Variants in PLXDC2 observed in about 807,000 individuals in gnomAD.
PLXDC2 encodes the protein plexin domain containing 2.
A neutral mutation model predicts 68.9 loss-of-function variants in PLXDC2; 40 were observed. That is an observed-to-expected ratio of 0.58 (90% CI 0.45 to 0.76). PLXDC2 has a LOEUF of 0.76. Among genes scored for constraint, PLXDC2 ranks in the 30% least tolerant of loss-of-function variants. The pLI, the probability that PLXDC2 is intolerant of heterozygous loss-of-function variation, is 0.00. For missense variants in PLXDC2, 644 were observed against 661.9 expected, an observed-to-expected ratio of 0.97 and a Z score of 0.30; for synonymous variants, 243 against 234.2, an observed-to-expected ratio of 1.04 and a Z score of -0.34.
chr10:20,149,935 A>T (rs1225015756), intron 6 of PLXDC2, among the ~76,000 whole-genome samples: 1 of 152,104 alleles, frequency 6.6e-6, no homozygotes, highest in Non-Finnish European at 1.5e-5. Flanking sequence ...TAATTAATAG[A>T]GTTTACTTTT....
intron 9 of PLXDC2, among the ~76,000 whole-genome samples, chr10:20,188,764 G>A (rs920026860): frequency 1.5e-4 from 23 of 151,828 alleles, no homozygotes; most frequent in African/African-American, 5.3e-4. Context: ...TTGAATAAGT[G>A]TAGTGTATAT....
chr10:20,049,466 G>A (rs1374001099), intron 3 of PLXDC2, among the ~76,000 whole-genome samples: 1 of 152,014 alleles, frequency 6.6e-6, no homozygotes, highest in Non-Finnish European at 1.5e-5. Context: ...GAACCCCATA[G>A]TCTAGGCCCA....
intron 3 of PLXDC2, among the ~76,000 whole-genome samples, chr10:20,061,390 TG>T (rs1420285903): frequency 6.6e-6 from 1 of 152,204 alleles, no homozygotes; most frequent in Non-Finnish European, 1.5e-5. Flanking sequence ...TATGATTAAA[TG>T]TAGGTCTCTG....
chr10:19,889,389 A>G (rs1837908071), intron 1 of PLXDC2, among the ~76,000 whole-genome samples: 2 of 152,074 alleles, frequency 1.3e-5, no homozygotes, highest in Admixed American at 1.3e-4. Flanking sequence ...TGGAATGCAA[A>G]TCATTAAATG....
chr10:20,133,781 G>A (rs1833899657), intron 4 of PLXDC2, among the ~76,000 whole-genome samples: 2 of 152,214 alleles, frequency 1.3e-5, no homozygotes, highest in African/African-American at 2.4e-5. Context: ...TATTGTTTAT[G>A]CATAATAAGC....
intron 1 of PLXDC2, among the ~76,000 whole-genome samples, chr10:19,829,500 G>A (rs781531313): frequency 6.6e-6 from 1 of 152,094 alleles, no homozygotes; most frequent in Non-Finnish European, 1.5e-5. Context: ...CTGGGTTAAA[G>A]TATCAACGAC....
intron 1 of PLXDC2, among the ~76,000 whole-genome samples, chr10:19,964,130 G>T (rs1282737889): frequency 1.3e-5 from 2 of 152,178 alleles, no homozygotes; most frequent in Non-Finnish European, 1.5e-5. Flanking sequence ...CCCCTGATTT[G>T]TAGCCTCTGC....
At chr10:20,232,468 A>G (rs72795920) in intron 12 of PLXDC2, among the ~76,000 whole-genome samples, 1 of 152,330 alleles carries the variant, frequency 6.6e-6, no homozygotes, top group Non-Finnish European at 1.5e-5. Context: ...GTCAATAACT[A>G]GAAATAGTCC....
intron 2 of PLXDC2, among the ~76,000 whole-genome samples, chr10:20,006,716 G>A (rs1431682678): frequency 6.6e-6 from 1 of 152,176 alleles, no homozygotes; most frequent in African/African-American, 2.4e-5. Context: ...AACAGATAAT[G>A]GAAGGATTGT....
intron 7 of PLXDC2, among the ~76,000 whole-genome samples, chr10:20,176,412 GTGTC>G: frequency 6.6e-6 from 1 of 152,026 alleles, no homozygotes; most frequent in East Asian, 1.9e-4. Context: ...GTGTGTGTGT[GTGTC>G]TGTCGTGAGA....
At chr10:19,898,295 A>C (rs60503842) in intron 1 of PLXDC2, among the ~76,000 whole-genome samples, 25,459 of 152,136 alleles carry the variant, frequency 0.17, 2,501 homozygotes, top group African/African-American at 0.27. Context: ...TGATCCCAGG[A>C]AAGACAGTTT....
intron 2 of PLXDC2, among the ~76,000 whole-genome samples, chr10:20,031,849 G>A (rs1297016159): frequency 1.3e-5 from 2 of 151,148 alleles, no homozygotes; most frequent in Admixed American, 6.6e-5. Flanking sequence ...ATTTTGAGAT[G>A]GAGTCTCACT....
At position 20,279,951 on chromosome 10, in the gene PLXDC2, G is replaced by A. The variant is rs142195269; in HGVS notation, c.*132G>A. ...AGCTGCTGTAGCCTGAAGAAGACAA[G>A]ATTTCTGGACAAGCTCAGCCCAGGA... On this transcript the variant is annotated 3_prime_UTR_variant, in exon 14 of 14. Transcript: ENST00000377252. 1.1e-3 allele frequency: 748 copies of A among 693,512 alleles called. 5 individuals carry two copies. In the African/African-American group the frequency reaches 0.013, roughly 12 times the overall value. 43.0% of individuals were successfully genotyped at this position (693,512 alleles called of 1,614,324 possible).
intron 1 of PLXDC2, among the ~76,000 whole-genome samples, chr10:19,915,552 C>G (rs1430987573): frequency 6.6e-6 from 1 of 151,974 alleles, no homozygotes; most frequent in Non-Finnish European, 1.5e-5. Flanking sequence ...ATAGATTTTC[C>G]TGCTCTATTG....
In PLXDC2 at chr10:20,284,470, T is replaced by TC. The variant is rs1368500144; in HGVS notation, c.*4654dup. 1 of 149,828 alleles carries TC rather than the reference T, an allele frequency of 6.7e-6. No individual in the cohort carries two copies. Among genetic ancestry groups the TC allele is most frequent in the African/African-American group, 2.5e-5 (1 of 40,700 alleles). 9.3% of individuals were successfully genotyped at this position (149,828 alleles called of 1,614,324 possible). A position where few individuals can be genotyped will look rare whatever the true frequency, so the allele number is the denominator to read the frequency against. ...CAAGTGTGGTTTCTCATGCCTGTAG[T>TC]CCCAGCTACTTTGGAGGCTGAAGTG... On this transcript the variant is annotated 3_prime_UTR_variant, in exon 14 of 14. Transcript: ENST00000377252.
At chr10:20,086,292 TGGGACTTTA>T (rs1172098625) in intron 4 of PLXDC2, among the ~76,000 whole-genome samples, 1 of 152,054 alleles carries the variant, frequency 6.6e-6, no homozygotes, top group Non-Finnish European at 1.5e-5. Context: ...CCCAAATAGC[TGGGACTTTA>T]GGCACAAGCC....
chr10:20,116,623 G>A (rs185773802), intron 4 of PLXDC2, among the ~76,000 whole-genome samples: 65 of 152,294 alleles, frequency 4.3e-4, no homozygotes, highest in African/African-American at 1.5e-3. Context: ...TAGAAGTAAG[G>A]TATTTGGATA....
chr10:20,119,742 G>A (rs938160588), intron 4 of PLXDC2, among the ~76,000 whole-genome samples: 15 of 152,082 alleles, frequency 9.9e-5, no homozygotes, highest in Admixed American at 7.2e-4. Flanking sequence ...TAGGGGTGGC[G>A]TGGGAACCTA....
chr10:20,107,504 C>A (rs989674790), intron 4 of PLXDC2, among the ~76,000 whole-genome samples: 1 of 152,064 alleles, frequency 6.6e-6, no homozygotes, highest in African/African-American at 2.4e-5. Context: ...TCAGGCAACA[C>A]CTAAAGTTCT....
Sources: allele counts gnomAD v4.1 joint callset (sites outside exome capture counted in the v4.1 genomes callset), GRCh38; gene constraint gnomAD v4.1.1; transcripts MANE v1.5; gene names NCBI Gene and HGNC (gene_info 2026-07-23, HGNC 2026-07-21).